Variants in TRIQK observed in about 807,000 individuals in gnomAD.
The protein encoded by TRIQK is triple QxxK/R motif containing.
A neutral mutation model predicts 10.8 loss-of-function variants in TRIQK; 10 were observed. That is an observed-to-expected ratio of 0.92 (90% CI 0.57 to 1.57). The LOEUF (loss-of-function observed/expected upper bound fraction) is 1.57. TRIQK is among the 40% of genes most tolerant of loss of function. TRIQK has a pLI of 0.00. For synonymous variants in TRIQK, 33 were observed against 33.7 expected (o/e 0.98, Z 0.07); for missense variants, 107 against 97.7 (o/e 1.09, Z -0.40).
intron 1 of TRIQK, among the ~76,000 whole-genome samples, chr8:92,964,466 A>C (rs948783232): frequency 2.0e-5 from 3 of 146,592 alleles, no homozygotes; most frequent in South Asian, 2.2e-4. Flanking sequence ...ATATATATCT[A>C]TATATATATA....
intron 2 of TRIQK, among the ~76,000 whole-genome samples, 158 bp from the exon 3 acceptor site, chr8:92,917,168 A>G (rs1037601922): frequency 2.6e-5 from 4 of 152,084 alleles, no homozygotes; most frequent in Admixed American, 2.0e-4. Flanking sequence ...ATTCTTTTAA[A>G]TAAATTATCA....
chr8:92,906,753 C>T (rs1019727877), intron 3 of TRIQK, among the ~76,000 whole-genome samples: 1 of 146,698 alleles, frequency 6.8e-6, no homozygotes, highest in East Asian at 2.0e-4. Context: ...TTTAGCCGGG[C>T]GTGGTGGCAG....
rs184110570 is a variant in TRIQK, at chr8:92,930,757, A to C, written c.-21-13747T>G. ...AACGGGGTTATGATCTAAAGATCAC[A>C]AACTTTGAGTTTTCAATGCTTACAA... is the stretch of plus-strand genomic sequence containing the variant. On this transcript the variant is annotated intron_variant, in intron 2 of 4. Transcript: ENST00000521988. Among the ~76,000 whole-genome samples the C allele has an allele frequency of 5.8e-4, 89 of 152,320 alleles. 1 individual carries two copies. The highest frequency in any genetic ancestry group is 1.1e-3 in the Non-Finnish European group (72 of 68,026).
intron 1 of TRIQK, among the ~76,000 whole-genome samples, chr8:92,977,574 G>A (rs1355863635): frequency 1.3e-5 from 2 of 151,916 alleles, no homozygotes; most frequent in Non-Finnish European, 2.9e-5. Context: ...TGATCATTGG[G>A]AAGATAGTTA....
intron 3 of TRIQK, among the ~76,000 whole-genome samples, chr8:92,907,137 T>C (rs1809316574): frequency 6.6e-6 from 1 of 152,162 alleles, no homozygotes; most frequent in Admixed American, 6.6e-5. Context: ...TTGACATAAG[T>C]TGAAGTTTTG....
At chr8:92,898,829 G>A (rs1373849246) in intron 3 of TRIQK, among the ~76,000 whole-genome samples, 2 of 76,238 alleles carry the variant, frequency 2.6e-5, no homozygotes, top group Non-Finnish European at 4.9e-5. Context: ...ATAGGTGTGT[G>A]TGTGTATATA....
At chr8:92,993,766 C>G (rs760548311) in intron 1 of TRIQK, among the ~76,000 whole-genome samples, 17 of 152,124 alleles carry the variant, frequency 1.1e-4, no homozygotes, top group Non-Finnish European at 2.5e-4. Context: ...TCTGGGAGAT[C>G]GAGAATGATG....
rs916671225 is a variant in TRIQK, at chr8:92,892,276, C to T, written c.62-202G>A. Among the ~76,000 whole-genome samples, 5 of 151,662 alleles carry T rather than the reference C, an allele frequency of 3.3e-5. No individual in the cohort carries two copies. The South Asian group carries it at 6.2e-4, about 19-fold the overall frequency. ...TACTTTTTCAGGAAGAGGATACTGACGGACATCTTCAATTTGCTGTATAGT... is the reference window on the plus strand; with the variant it reads ...TACTTTTTCAGGAAGAGGATACTGATGGACATCTTCAATTTGCTGTATAGT... On this transcript the variant is annotated intron_variant, in intron 3 of 4. Transcript: ENST00000521988.
intron 1 of TRIQK, among the ~76,000 whole-genome samples, chr8:93,002,817 G>T (rs940859486): frequency 6.6e-6 from 1 of 151,686 alleles, no homozygotes; most frequent in East Asian, 2.0e-4. Context: ...CTACTTGGAA[G>T]ACTAAGGCCA....
At chr8:92,912,251 C>T (rs1238674229) in intron 3 of TRIQK, among the ~76,000 whole-genome samples, 1 of 151,506 alleles carries the variant, frequency 6.6e-6, no homozygotes, top group African/African-American at 2.4e-5. Flanking sequence ...TAGAATAAAA[C>T]TAGAAATCAA....
intron 3 of TRIQK, among the ~76,000 whole-genome samples, chr8:92,892,537 A>C (rs188594765): frequency 7.9e-5 from 12 of 152,054 alleles, no homozygotes; most frequent in Non-Finnish European, 1.6e-4. Flanking sequence ...AGTTTCCTTT[A>C]AGTAAAAGAC....
chr8:92,961,101 A>T (rs1327175821), intron 1 of TRIQK, among the ~76,000 whole-genome samples: 1 of 152,168 alleles, frequency 6.6e-6, no homozygotes, highest in Non-Finnish European at 1.5e-5. Flanking sequence ...ATTTTTAGAG[A>T]TTCATAGGTA....
At chr8:92,941,435 A>G (rs1207972559) in intron 2 of TRIQK, 3 of 152,198 alleles carry the variant, frequency 2.0e-5, no homozygotes, top group East Asian at 1.9e-4. Flanking sequence ...CCTATGAGAT[A>G]CAGCAAAAGC....
intron 1 of TRIQK, among the ~76,000 whole-genome samples, chr8:92,993,357 T>A (rs889381683): frequency 7.9e-5 from 12 of 152,214 alleles, no homozygotes; most frequent in African/African-American, 2.9e-4. Context: ...CTTTCCTCTT[T>A]CATTTCTTCT....
intron 3 of TRIQK, among the ~76,000 whole-genome samples, chr8:92,893,575 A>C (rs990753779): frequency 6.6e-6 from 1 of 152,030 alleles, no homozygotes; most frequent in African/African-American, 2.4e-5. Context: ...GACCCATTTT[A>C]AATTAGCAAT....
In TRIQK at chr8:92,892,088, G is replaced by C. The variant is rs1816797607; in HGVS notation, c.62-14C>G. 2 of 1,455,062 alleles carry C rather than the reference G, an allele frequency of 1.4e-6. No homozygotes were observed. Among genetic ancestry groups the C allele is most frequent in the Non-Finnish European group, 9.3e-7 (1 of 1,076,280 alleles). 90.1% of individuals were successfully genotyped at this position (1,455,062 alleles called of 1,614,324 possible). A position where few individuals can be genotyped will look rare whatever the true frequency, so the allele number is the denominator to read the frequency against. ...AATCCTGTTTACCTAGAAAGAAATA[G>C]TTTCAGACAATGAGTTATGCTCATA... On this transcript the variant is annotated splice_polypyrimidine_tract_variant and intron_variant, in intron 3 of 4. Coordinates refer to ENST00000521988, the MANE Select transcript of TRIQK (RefSeq NM_001171797.2).
chr8:92,946,273 C>G (rs771234512), intron 2 of TRIQK, among the ~76,000 whole-genome samples: 8 of 152,068 alleles, frequency 5.3e-5, no homozygotes, highest in Non-Finnish European at 1.0e-4. Context: ...AGATCTCCCC[C>G]CCTAAATATG....
At chr8:93,000,160 T>A (rs772331121) in intron 1 of TRIQK, among the ~76,000 whole-genome samples, 12 of 152,176 alleles carry the variant, frequency 7.9e-5, no homozygotes, top group Non-Finnish European at 1.6e-4. Context: ...TTAACATATA[T>A]TCAAACATAT....
chr8:92,985,301 A>G (rs1350075712), intron 1 of TRIQK, among the ~76,000 whole-genome samples: 2 of 152,154 alleles, frequency 1.3e-5, no homozygotes, highest in Non-Finnish European at 2.9e-5. Flanking sequence ...AAGAGAGGGA[A>G]TGTCTGTAAA....
Sources: gnomAD v4.1 joint callset for allele counts (sites outside exome capture counted in the v4.1 genomes callset) on GRCh38, gnomAD v4.1.1 for gene constraint, MANE v1.5 for transcripts, NCBI Gene and HGNC (gene_info 2026-07-23, HGNC 2026-07-21) for gene names.